The following RIMBP2 variants were observed in gnomAD, a reference collection of about 807,000 sequenced individuals.
RIMBP2 encodes the protein RIMS binding protein 2.
RIMBP2 carries 48 observed loss-of-function variants against 118.6 expected under a neutral mutation model. The observed-to-expected ratio is 0.40, with a 90% CI of 0.32 to 0.51. RIMBP2 has a LOEUF of 0.51. RIMBP2 is among the 20% of genes least tolerant of loss of function. The probability of loss-of-function intolerance (pLI) is 0.41; values close to 1 mark genes in which losing one functional copy is unlikely to be tolerated. For synonymous variants in RIMBP2, 762 were observed against 742.9 expected, an observed-to-expected ratio of 1.03 and a Z score of -0.42; for missense variants, 1,551 against 1,768.3, an observed-to-expected ratio of 0.88 and a Z score of 2.20.
At chr12:130,708,548 A>G (rs1417191310) in intron 1 of RIMBP2, among the ~76,000 whole-genome samples, 1 of 152,078 alleles carries the variant, frequency 6.6e-6, no homozygotes, top group Non-Finnish European at 1.5e-5. Context: ...TTAGCCAGGC[A>G]TGGTGACACG....
At chr12:130,463,106 T>C (rs1019151456) in intron 6 of RIMBP2, among the ~76,000 whole-genome samples, 3 of 152,184 alleles carry the variant, frequency 2.0e-5, no homozygotes, top group Non-Finnish European at 2.9e-5. Context: ...TGGGGAGGAA[T>C]TGCCAGCAGC....
At position 130,688,709 on chromosome 12, in the gene RIMBP2, C is replaced by T. The variant is rs1181721277; in HGVS notation, c.-352+27513G>A. Among the ~76,000 whole-genome samples the T allele has an allele frequency of 6.6e-6, 1 of 152,234 alleles. No individual in the cohort carries two copies. Among genetic ancestry groups the T allele is most frequent in the African/African-American group, 2.4e-5 (1 of 41,474 alleles). On this transcript the variant is annotated intron_variant, in intron 1 of 22. Coordinates refer to ENST00000690449, the MANE Select transcript of RIMBP2 (RefSeq NM_001393629.1). This position sits in a 1 kb window ranked among gnomAD's most constrained non-coding sequence, Gnocchi z 4.7. ...CAGGGGGACACTAAAACCCCACATT[C>T]TAAAGACCCCAAAACAGAGGCCACA...
intron 2 of RIMBP2, among the ~76,000 whole-genome samples, chr12:130,590,289 T>C (rs1242829725): frequency 1.3e-5 from 2 of 152,154 alleles, no homozygotes; most frequent in Non-Finnish European, 2.9e-5. Context: ...CAAGGCCACC[T>C]GCCAACTGAC....
At chr12:130,399,865 C>T in intron 21 of RIMBP2, 52 bp from the exon 22 acceptor site, 1 of 1,601,434 alleles carries the variant, frequency 6.2e-7, no homozygotes, top group Non-Finnish European at 8.5e-7. Context: ...TAGAAACCCA[C>T]ATCTTGCTTT....
At position 130,508,159 on chromosome 12, in the gene RIMBP2, G is replaced by C. The variant is rs1465028151; in HGVS notation, c.-126-1389C>G. 2.0e-5 allele frequency among the ~76,000 whole-genome samples: 3 copies of C among 152,218 alleles called. No individual in the cohort carries two copies. The East Asian group carries it at 5.8e-4, about 30-fold the overall frequency. Reference sequence around the variant, plus strand: ...TGAACCTCAATACCCTGGGGTGCAGGTTTGCAGAAAGCATCACTTCTTGCA... The same window carrying C: ...TGAACCTCAATACCCTGGGGTGCAGCTTTGCAGAAAGCATCACTTCTTGCA... On this transcript the variant is annotated intron_variant, in intron 3 of 22. Coordinates refer to ENST00000690449, the MANE Select transcript of RIMBP2 (RefSeq NM_001393629.1).
intron 2 of RIMBP2, among the ~76,000 whole-genome samples, chr12:130,612,740 T>C (rs764066141): frequency 2.0e-5 from 3 of 152,216 alleles, no homozygotes; most frequent in African/African-American, 4.8e-5. Flanking sequence ...CCAAACCGTG[T>C]GGACATCACC....
intron 17 of RIMBP2, among the ~76,000 whole-genome samples, chr12:130,418,658 G>T (rs897707854): frequency 6.6e-6 from 1 of 152,180 alleles, no homozygotes; most frequent in East Asian, 1.9e-4. Context: ...GCATCAAAAC[G>T]TGCAGAGGGG....
intron 1 of RIMBP2, among the ~76,000 whole-genome samples, chr12:130,631,801 C>T (rs1294051763): frequency 1.3e-5 from 2 of 152,066 alleles, no homozygotes; most frequent in Non-Finnish European, 2.9e-5. Context: ...AGAGACAGCA[C>T]GAGATTGTTT....
At chr12:130,667,067 GGGA>G (rs2063963156) in intron 1 of RIMBP2, among the ~76,000 whole-genome samples, 1 of 64,102 alleles carries the variant, frequency 1.6e-5, no homozygotes, top group African/African-American at 6.3e-5. Flanking sequence ...AAAGGAAGAA[GGGA>G]GGGAGGAAAA....
chr12:130,666,856 A>AGGC (rs2063940222), intron 1 of RIMBP2, among the ~76,000 whole-genome samples: 1 of 119,418 alleles, frequency 8.4e-6, no homozygotes, highest in South Asian at 3.3e-4. Context: ...TGGAGGGAGG[A>AGGC]AAGGAGGGAG....
In RIMBP2 at chr12:130,500,407, C is replaced by G. The variant is rs185757945; in HGVS notation, c.-4+6241G>C. 2.3e-3 allele frequency among the ~76,000 whole-genome samples: 347 copies of G among 152,220 alleles called. 3 individuals carry two copies. The East Asian group carries it at 0.053, about 23-fold the overall frequency. On this transcript the variant is annotated intron_variant, in intron 4 of 22. Transcript: ENST00000690449. The stretch of plus-strand genomic sequence containing the variant: ...TGGCAGGCGGAGGTTGCAGTGAGCC[C>G]AGATCACGCCACTGCACTCCAGCCT...
chr12:130,451,464 G>T, intron 7 of RIMBP2, 124 bp from the exon 8 acceptor site: 2 of 1,049,520 alleles, frequency 1.9e-6, no homozygotes, highest in Non-Finnish European at 1.4e-6. Context: ...TTTCATTTTG[G>T]GGTCCACCCG....
intron 4 of RIMBP2, among the ~76,000 whole-genome samples, chr12:130,494,756 T>C (rs1228029514): frequency 2.0e-5 from 3 of 152,208 alleles, no homozygotes; most frequent in African/African-American, 7.2e-5. Context: ...ACACACCCTC[T>C]TCCCTGCTGT....
intron 2 of RIMBP2, among the ~76,000 whole-genome samples, chr12:130,558,727 G>A (rs919995080): frequency 2.6e-5 from 4 of 152,224 alleles, no homozygotes; most frequent in African/African-American, 9.6e-5. Context: ...TCCAAGACCT[G>A]CAAGGGCATC....
rs568529760 is a variant in RIMBP2 at position 130,446,626 on chromosome 12, G to A, written c.582-1357C>T. 3.9e-5 allele frequency among the ~76,000 whole-genome samples: 6 copies of A among 152,290 alleles called. No homozygotes were observed. The highest frequency in any genetic ancestry group is 1.9e-4 in the East Asian group (1 of 5,178). ...TGGGCCACCCTCTAACACAAAGCTC[G>A]GCAGTGGAACGGGACAAGAGCTCTG... On this transcript the variant is annotated intron_variant, in intron 9 of 22. Coordinates refer to ENST00000690449, the MANE Select transcript of RIMBP2 (RefSeq NM_001393629.1). This position sits in a 1 kb window ranked among gnomAD's most constrained non-coding sequence, Gnocchi z 4.1.
intron 21 of RIMBP2, among the ~76,000 whole-genome samples, chr12:130,405,662 C>T (rs556809352): frequency 6.6e-6 from 1 of 151,562 alleles, no homozygotes; most frequent in South Asian, 2.1e-4. Context: ...CCAGGAATCA[C>T]CAGCAGCAAG....
intron 1 of RIMBP2, among the ~76,000 whole-genome samples, chr12:130,666,133 T>C (rs1040467207): frequency 6.6e-6 from 1 of 151,980 alleles, no homozygotes; most frequent in East Asian, 1.9e-4. Context: ...TATAGCAAAA[T>C]TAAAAGCTAC....
intron 1 of RIMBP2, among the ~76,000 whole-genome samples, chr12:130,678,917 C>T (rs79908018): frequency 0.055 from 8,346 of 152,206 alleles, 315 homozygotes; most frequent in Non-Finnish European, 0.077. Context: ...GGGGATGAGG[C>T]GTGACGGCCA....
At chr12:130,458,905 AG>A (rs1438913866) in intron 6 of RIMBP2, among the ~76,000 whole-genome samples, 1 of 151,944 alleles carries the variant, frequency 6.6e-6, no homozygotes, top group Non-Finnish European at 1.5e-5. Flanking sequence ...TTAGCCGGGC[AG>A]GGAGACACGC....
Sources: gnomAD v4.1 joint callset for allele counts (sites outside exome capture counted in the v4.1 genomes callset) on GRCh38, gnomAD v4.1.1 for gene constraint, Gnocchi (gnomAD v3.1) non-coding constraint, MANE v1.5 for transcripts, NCBI Gene and HGNC (gene_info 2026-07-23, HGNC 2026-07-21) for gene names.